TCF20: variants seen among roughly 807,000 people sequenced by gnomAD.
TCF20 encodes the protein SPRE-binding protein.
A neutral mutation model predicts 148.6 loss-of-function variants in TCF20; 3 were observed. That is an observed-to-expected ratio of 0.02 (90% CI 0.01 to 0.05). The LOEUF (loss-of-function observed/expected upper bound fraction) is 0.05, where lower values mean the gene tolerates loss of function less well. Among genes scored for constraint, TCF20 ranks in the 10% least tolerant of loss-of-function variants. TCF20 has a pLI of 1.00. For synonymous variants in TCF20, 1,049 were observed against 909.5 expected (o/e 1.15, Z -2.76); for missense variants, 2,350 against 2,429.3 (o/e 0.97, Z 0.69).
chr22:42,166,533 C>T (rs980502564), intron 5 of TCF20, among the ~76,000 whole-genome samples: 6 of 151,672 alleles, frequency 4.0e-5, no homozygotes, highest in South Asian at 2.1e-4. Context: ...CGCCTGAACC[C>T]CAGAGATGGA....
chr22:42,193,262 A>G (rs1937428758), intron 2 of TCF20, among the ~76,000 whole-genome samples: 2 of 150,486 alleles, frequency 1.3e-5, no homozygotes, highest in Admixed American at 6.6e-5. Flanking sequence ...TAATTCCTCA[A>G]TACATCTCCT....
At chr22:42,197,483 C>T (rs1440953994) in intron 2 of TCF20, among the ~76,000 whole-genome samples, 4 of 151,960 alleles carry the variant, frequency 2.6e-5, no homozygotes, top group African/African-American at 4.8e-5. Context: ...CCACCACGCC[C>T]GGCTAATTTT....
At position 42,209,751 on chromosome 22, in the gene TCF20, A is replaced by C. The variant is rs751064182; in HGVS notation, c.5555T>G (p.Phe1852Cys). 1.2e-6 allele frequency: 2 copies of C among 1,614,200 alleles called. No homozygotes were observed. Among genetic ancestry groups the C allele is most frequent in the Non-Finnish European group, 1.7e-6 (2 of 1,180,034 alleles). Residue 1852 changes from phenylalanine to cysteine, a missense_variant, in exon 2 of 6, where the codon TTT becomes TGT. Physicochemically the swap from Phe to Cys is radical, Grantham distance 205. Transcript: ENST00000677622. ...GAGAATACAACCCTCATGGACCCAAAATTCATTGCTGTCAAGAGGTAGTTC... is the reference window on the plus strand; with the variant it reads ...GAGAATACAACCCTCATGGACCCAACATTCATTGCTGTCAAGAGGTAGTTC... The part of the protein sequence containing the change: ...IPELPLDSNE[F>C]WVHEGCILWA...
At chr22:42,179,171 A>C (rs906400930) in intron 3 of TCF20, among the ~76,000 whole-genome samples, 1 of 152,202 alleles carries the variant, frequency 6.6e-6, no homozygotes, top group East Asian at 1.9e-4. Context: ...ACAGTTCCTT[A>C]AAAGGTTAAA....
intron 2 of TCF20, among the ~76,000 whole-genome samples, chr22:42,195,829 T>C (rs958172468): frequency 6.6e-6 from 1 of 152,166 alleles, no homozygotes. Flanking sequence ...ACATACATAT[T>C]TAAATGGCAT....
At chr22:42,205,085 T>C (rs949501963) in intron 2 of TCF20, among the ~76,000 whole-genome samples, 1 of 152,216 alleles carries the variant, frequency 6.6e-6, no homozygotes, top group African/African-American at 2.4e-5. Context: ...TTGGCATTCC[T>C]TAATGTCTCA....
rs373278923 is a variant in TCF20 at position 42,212,474 on chromosome 22, G to A, written c.2832C>T (p.Asn944=). ...EQSKSQASFN[N]KKSGDHCHPP... is the part of the protein sequence containing the mutation. ...GATGGCAGTGGTCTCCAGATTTCTT[G>A]TTGTTGAAACTAGCTTGAGATTTAG... is the stretch of plus-strand genomic sequence containing the variant. Residue 944 remains asparagine, a synonymous_variant, in exon 2 of 6, where the codon AAC becomes AAT. Transcript: ENST00000677622. The A allele has an allele frequency of 1.5e-5, 24 of 1,614,078 alleles. No homozygotes were observed. Among genetic ancestry groups the A allele is most frequent in the Non-Finnish European group, 1.3e-5 (15 of 1,180,036 alleles).
intron 1 of TCF20, among the ~76,000 whole-genome samples, chr22:42,300,884 T>C (rs1927324734): frequency 6.6e-6 from 1 of 152,130 alleles, no homozygotes; most frequent in African/African-American, 2.4e-5. Context: ...ACCTGCAGAA[T>C]GCACCATGCA....
intron 2 of TCF20, among the ~76,000 whole-genome samples, chr22:42,197,423 T>C (rs919752876): frequency 1.3e-5 from 2 of 151,388 alleles, no homozygotes; most frequent in Non-Finnish European, 2.9e-5. Flanking sequence ...CCCGGGTTCA[T>C]GCCATTCTCC....
At chr22:42,316,240 G>A (rs953472630) in intron 1 of TCF20, among the ~76,000 whole-genome samples, 38 of 152,186 alleles carry the variant, frequency 2.5e-4, no homozygotes, top group Admixed American at 2.0e-3. Flanking sequence ...TGCAGGCTAG[G>A]AAAGTCACCA....
intron 1 of TCF20, among the ~76,000 whole-genome samples, chr22:42,313,196 C>T (rs1927567179): frequency 6.6e-6 from 1 of 152,214 alleles, no homozygotes; most frequent in South Asian, 2.1e-4. Context: ...ACTCAGTAGG[C>T]CTGCAATAAA....
In TCF20 at chr22:42,215,294, A is replaced by C; in HGVS notation, c.12T>G (p.Phe4Leu). Residue 4 changes from phenylalanine to leucine, a missense_variant, in exon 2 of 6, where the codon TTT becomes TTG. By Grantham distance (22) the Phe-to-Leu change is conservative (BLOSUM62 0). Coordinates refer to ENST00000677622, the MANE Select transcript of TCF20 (RefSeq NM_001378418.1). ...TTCCGTGGTAACTGCTTTGCTCCCGAAAGGACTGCATACTGTTCAGCAGCA... is the reference window on the plus strand; with the variant it reads ...TTCCGTGGTAACTGCTTTGCTCCCGCAAGGACTGCATACTGTTCAGCAGCA... MQS[F>L]REQSSYHGNQ... 1 of 1,613,548 alleles carries C rather than the reference A, an allele frequency of 6.2e-7. No individual in the cohort carries two copies. Among genetic ancestry groups the C allele is most frequent in the Non-Finnish European group, 8.5e-7 (1 of 1,179,636 alleles).
rs1920947877 is a variant in TCF20 at position 42,211,069 on chromosome 22, C to G, written c.4237G>C (p.Ala1413Pro). 6.2e-7 allele frequency: 1 copy of G among 1,614,166 alleles called. No individual in the cohort carries two copies. Among genetic ancestry groups the G allele is most frequent in the Admixed American group, 1.7e-5 (1 of 60,014 alleles). Residue 1413 changes from alanine (A) to proline (P), a missense_variant, in exon 2 of 6, where the codon GCT becomes CCT. Physicochemically the swap from Ala to Pro is conservative, Grantham distance 27. Transcript: ENST00000677622. ...ADIEKRKGEV[A>P]SDLVSPANQE... Reference sequence around the variant, plus strand: ...TTTGCTGGACTGACTAGGTCCGAAGCCACCTCACCTTTTCTCTTCTCTATG... The same window carrying G: ...TTTGCTGGACTGACTAGGTCCGAAGGCACCTCACCTTTTCTCTTCTCTATG...
upstream of TCF20, among the ~76,000 whole-genome samples, chr22:42,272,927 C>T (rs941463863): frequency 1.3e-4 from 20 of 151,948 alleles, no homozygotes; most frequent in Non-Finnish European, 2.5e-4. Flanking sequence ...TTTGGGAAGC[C>T]GAGGTGTGAG....
chr22:42,257,641 T>TAG (rs150692673), intron 1 of TCF20, among the ~76,000 whole-genome samples: 432 of 152,302 alleles, frequency 2.8e-3, no homozygotes, highest in African/African-American at 1.0e-2. Context: ...ATAAGGACCT[T>TAG]AGAGCCTAGT....
At chr22:42,315,154 T>G (rs2147045056) in intron 1 of TCF20, among the ~76,000 whole-genome samples, 1 of 152,006 alleles carries the variant, frequency 6.6e-6, no homozygotes, top group East Asian at 2.0e-4. Flanking sequence ...CCTCTAGAGA[T>G]TTCCCCAGGG....
intron 3 of TCF20, among the ~76,000 whole-genome samples, chr22:42,170,354 A>C (rs1041692828): frequency 6.8e-6 from 1 of 146,678 alleles, no homozygotes; most frequent in Admixed American, 6.8e-5. Context: ...AAAAAAAAAT[A>C]CTGAAAGGCT....
chr22:42,254,463 T>G (rs1925608731), intron 1 of TCF20, among the ~76,000 whole-genome samples: 1 of 152,252 alleles, frequency 6.6e-6, no homozygotes, highest in Non-Finnish European at 1.5e-5. Flanking sequence ...AGGGTGCCTG[T>G]GGTATCATGA....
chr22:42,212,757 T>G lies in TCF20; in HGVS notation c.2549A>C (p.Gln850Pro), dbSNP rs761364551. ...ACCCCCAGGCTCATGTGCTGATGAC[T>G]GAGGCTCTATTTCAAACTTTCTGGG... The part of the protein sequence containing the change: ...PIPRKFEIEP[Q>P]SSAHEPGGSL... The change falls in exon 2 of 6, where the codon CAG (glutamine) becomes CCG (proline). Residue 850 changes from glutamine (Q) to proline (P), a missense_variant. Transcript: ENST00000677622. The G allele has an allele frequency of 1.9e-6, 3 of 1,614,256 alleles. No homozygotes were observed. The highest frequency in any genetic ancestry group is 2.5e-6 in the Non-Finnish European group (3 of 1,180,042).
Sources: allele counts gnomAD v4.1 joint callset (sites outside exome capture counted in the v4.1 genomes callset), GRCh38; gene constraint gnomAD v4.1.1; transcripts MANE v1.5; gene names NCBI Gene and HGNC (gene_info 2026-07-23, HGNC 2026-07-21).